PIM1: variants seen among roughly 807,000 people sequenced by gnomAD.
The protein encoded by PIM1 is serine/threonine-protein kinase pim-1.
Under a neutral mutation model 34.5 loss-of-function variants are expected in PIM1, and 9 were observed. The ratio of observed to expected loss-of-function variants is 0.26; its 90% CI spans 0.16 to 0.46. The LOEUF is 0.46. Ranked by LOEUF, PIM1 falls within the 20% of genes least tolerant of loss-of-function variation. PIM1 has a pLI of 1.00. For missense variants in PIM1, 274 were observed against 410.9 expected (o/e 0.67, Z 2.88); for synonymous variants, 199 against 175.2 (o/e 1.14, Z -1.07).
Position 37,174,584 on chromosome 6 carries a change from C to G in PIM1, c.*493C>G, listed in dbSNP as rs1018444647. 2.1e-5 allele frequency: 5 copies of G among 233,976 alleles called. No homozygotes were observed. Among genetic ancestry groups the G allele is most frequent in the Non-Finnish European group, 4.2e-5 (5 of 118,306 alleles). The allele number at this position is 233,976 out of a possible 1,614,324, so 14.5% of individuals were successfully genotyped here. ...CTGGGAGAAATACTTGAACTTGCCT[C>G]TTTTACCTGCTGCTTCTCCAAAAAT... On this transcript the variant is annotated 3_prime_UTR_variant, in exon 6 of 6. Transcript: ENST00000373509.
Position 37,170,436 on chromosome 6 carries a change from G to A in PIM1, c.-140G>A. The A allele has an allele frequency of 6.5e-7, 1 of 1,538,866 alleles. No individual in the cohort carries two copies. On this transcript the variant is annotated 5_prime_UTR_variant, in exon 1 of 6. Transcript: ENST00000373509. ...GACTCGCCCTCGGCCTTCCGCGCCA[G>A]CCGCAGCCACAGCCGCAACGCCACC...
Position 37,171,235 on chromosome 6 carries a change from C to A in PIM1, c.351C>A (p.Val117=). The change falls in exon 4 of 6, where the codon GTC becomes GTA. Residue 117 remains valine, a synonymous_variant. Coordinates refer to ENST00000373509, the MANE Select transcript of PIM1 (RefSeq NM_002648.4). ...GGTTCGAGAGGCCCGACAGTTTCGT[C>A]CTGATCCTGGAGAGGCCCGAGCCGG... ...LDWFERPDSF[V]LILERPEPVQ... is the part of the protein sequence containing the mutation. 6.2e-7 allele frequency: 1 copy of A among 1,614,080 alleles called. No individual in the cohort carries two copies. The highest frequency in any genetic ancestry group is 8.5e-7 in the Non-Finnish European group (1 of 1,180,046).
rs1390178676 is a variant in PIM1, at chr6:37,172,411, C to T, written c.608-585C>T. On this transcript the variant is annotated intron_variant, in intron 4 of 5. Transcript: ENST00000373509. Reference sequence around the variant, plus strand: ...TCTTTTACTACCCAAAGTTTGTAAACAGGAATCACGTGGTCTGAAACCAAC... The same window carrying T: ...TCTTTTACTACCCAAAGTTTGTAAATAGGAATCACGTGGTCTGAAACCAAC... The T allele has an allele frequency of 2.3e-5, 8 of 349,934 alleles. No homozygotes were observed. The East Asian group carries it at 6.0e-4, about 26-fold the overall frequency. 21.7% of individuals were successfully genotyped at this position (349,934 alleles called of 1,614,324 possible). A position where few individuals can be genotyped will look rare whatever the true frequency, so the allele number is the denominator to read the frequency against.
At chr6:37,172,291 A>G (rs567735238) in intron 4 of PIM1, among the ~76,000 whole-genome samples, 1 of 152,060 alleles carries the variant, frequency 6.6e-6, no homozygotes, top group Non-Finnish European at 1.5e-5. Context: ...CATTTTTTGT[A>G]TTTAACAGTT....
intron 4 of PIM1, 117 bp from the exon 5 acceptor site, chr6:37,172,879 C>T: frequency 1.1e-6 from 1 of 886,662 alleles, no homozygotes; most frequent in Non-Finnish European, 1.8e-6. Flanking sequence ...GTTCACCTAG[C>T]TCCTGAGAGA....
In PIM1 at chr6:37,174,239, C is replaced by T; in HGVS notation, c.*148C>T. ...CAACATTTACAACTCATTCCAGATC[C>T]CAGGCCCCTGGAGGCTGCCTCCCAA... On this transcript the variant is annotated 3_prime_UTR_variant, in exon 6 of 6. Coordinates refer to ENST00000373509, the MANE Select transcript of PIM1 (RefSeq NM_002648.4). The T allele has an allele frequency of 1.3e-6, 1 of 798,326 alleles. No homozygotes were observed. Among genetic ancestry groups the T allele is most frequent in the Non-Finnish European group, 1.9e-6 (1 of 520,196 alleles). 49.5% of individuals were successfully genotyped at this position (798,326 alleles called of 1,614,324 possible).
In PIM1 at chr6:37,170,416, G is replaced by A; in HGVS notation, c.-160G>A. The A allele has an allele frequency of 6.5e-7, 1 of 1,534,158 alleles. No individual in the cohort carries two copies. ...AGCGCCCTCAGTTGTCCTCCGACTC[G>A]CCCTCGGCCTTCCGCGCCAGCCGCA... On this transcript the variant is annotated 5_prime_UTR_variant, in exon 1 of 6. Coordinates refer to ENST00000373509, the MANE Select transcript of PIM1 (RefSeq NM_002648.4).
chr6:37,172,686 A>C (rs1365874476), intron 4 of PIM1: 1 of 552,168 alleles, frequency 1.8e-6, no homozygotes, highest in African/African-American at 1.9e-5. Context: ...CATCCTTCGC[A>C]GGCGGTCCTG....
intron 3 of PIM1, 22 bp from the exon 4 acceptor site, chr6:37,171,103 C>A (rs1430807196): frequency 1.2e-6 from 2 of 1,613,722 alleles, no homozygotes; most frequent in African/African-American, 1.3e-5. Context: ...CCCGCCCTAA[C>A]GCGGCCCCCT....
rs200495767 is a variant in PIM1, at chr6:37,171,434, C to T, written c.550C>T (p.Leu184Phe). 6.2e-7 allele frequency: 1 copy of T among 1,613,928 alleles called. No individual in the cohort carries two copies. Among genetic ancestry groups the T allele is most frequent in the Non-Finnish European group, 8.5e-7 (1 of 1,180,026 alleles). Residue 184 changes from leucine (L) to phenylalanine (F), a missense_variant, in exon 4 of 6, where the codon CTC becomes TTC. By Grantham distance (22) the Leu-to-Phe change is conservative. Around this residue, in one of 2 missense-constraint regions of PIM1, gnomAD observed 168 missense variants for 299.4 expected, o/e 0.56. Coordinates refer to ENST00000373509, the MANE Select transcript of PIM1 (RefSeq NM_002648.4). ...LIDLNRGELK[L>F]IDFGSGALLK... ...CGACCTCAATCGCGGCGAGCTCAAGCTCATCGACTTCGGGTCGGGGGCGCT... is the reference window on the plus strand; with the variant it reads ...CGACCTCAATCGCGGCGAGCTCAAGTTCATCGACTTCGGGTCGGGGGCGCT...
chr6:37,172,841 C>T lies in PIM1; in HGVS notation c.608-155C>T, dbSNP rs1238730150. The T allele has an allele frequency of 4.1e-6, 3 of 736,170 alleles. No individual in the cohort carries two copies. The South Asian group carries it at 4.4e-5, about 11-fold the overall frequency. The allele number at this position is 736,170 out of a possible 1,614,324, so 45.6% of individuals were successfully genotyped here. A position where few individuals can be genotyped will look rare whatever the true frequency, so the allele number is the denominator to read the frequency against. On this transcript the variant is annotated intron_variant, in intron 4 of 5. Transcript: ENST00000373509. ...AGAGATGCCGTAAGGTGCGCCTCCA[C>T]TCTCCTTAGCCCAGAGGGAAAAATG...
chr6:37,170,439 G>A lies in PIM1; in HGVS notation c.-137G>A, dbSNP rs1178921469. Reference sequence around the variant, plus strand: ...TCGCCCTCGGCCTTCCGCGCCAGCCGCAGCCACAGCCGCAACGCCACCCGC... The same window carrying A: ...TCGCCCTCGGCCTTCCGCGCCAGCCACAGCCACAGCCGCAACGCCACCCGC... On this transcript the variant is annotated 5_prime_UTR_variant, in exon 1 of 6. Transcript: ENST00000373509. 1 of 1,539,882 alleles carries A rather than the reference G, an allele frequency of 6.5e-7. No individual in the cohort carries two copies. The highest frequency in any genetic ancestry group is 1.4e-5 in the African/African-American group (1 of 72,902).
rs1487406289 is a variant in PIM1, at chr6:37,170,669, C to T, written c.82+12C>T. On this transcript the variant is annotated intron_variant, in intron 1 of 5. Transcript: ENST00000373509. ...CAAGCTGGCGCCCGGTGAGAGCACC[C>T]CCCGCCTCCGGCCCGGGGATGCGGG... The T allele has an allele frequency of 6.2e-7, 1 of 1,609,474 alleles. No individual in the cohort carries two copies. The highest frequency in any genetic ancestry group is 8.5e-7 in the Non-Finnish European group (1 of 1,178,270).
intron 4 of PIM1, 79 bp from the exon 5 acceptor site, chr6:37,172,915 AAG>A (rs1762332249): frequency 9.1e-6 from 11 of 1,204,124 alleles, no homozygotes; most frequent in Non-Finnish European, 1.3e-5. Flanking sequence ...TTTTAAAAGA[AAG>A]AGTTATATAT....
At chr6:37,170,714 G>T (rs1016363987) in intron 1 of PIM1, 57 bp downstream of exon 1, 4 of 1,607,108 alleles carry the variant, frequency 2.5e-6, no homozygotes, top group Non-Finnish European at 3.4e-6. Flanking sequence ...GGATCTCCTG[G>T]GTGGGGAGCT....
chr6:37,172,326 T>C (rs944355978), intron 4 of PIM1: 6 of 306,526 alleles, frequency 2.0e-5, no homozygotes, highest in African/African-American at 1.3e-4. Flanking sequence ...TCCTCCCATG[T>C]TTTTTCTTTC....
At position 37,175,181 on chromosome 6, in the gene PIM1, C is replaced by T. The variant is rs556865787; in HGVS notation, c.*1090C>T. ...CAGCTCCCTGGCTTCTGTGGGGCCCCTCACCTACTTACCCAGGTGGGTCCC... is the reference window on the plus strand; with the variant it reads ...CAGCTCCCTGGCTTCTGTGGGGCCCTTCACCTACTTACCCAGGTGGGTCCC... On this transcript the variant is annotated 3_prime_UTR_variant, in exon 6 of 6. Coordinates refer to ENST00000373509, the MANE Select transcript of PIM1 (RefSeq NM_002648.4). The T allele has an allele frequency of 4.3e-6, 1 of 233,602 alleles. No individual in the cohort carries two copies. Among genetic ancestry groups the T allele is most frequent in the Non-Finnish European group, 8.5e-6 (1 of 118,164 alleles). The allele number at this position is 233,602 out of a possible 1,614,324, so 14.5% of individuals were successfully genotyped here.
At chr6:37,172,684 G>A (rs1364354333) in intron 4 of PIM1, 3 of 544,882 alleles carry the variant, frequency 5.5e-6, no homozygotes, top group African/African-American at 1.9e-5. Context: ...TTCATCCTTC[G>A]CAGGCGGTCC....
At chr6:37,170,952 G>A in intron 2 of PIM1, 29 bp from the exon 3 acceptor site, 2 of 1,613,962 alleles carry the variant, frequency 1.2e-6, no homozygotes, top group Non-Finnish European at 1.7e-6. Flanking sequence ...CCCGGACGAG[G>A]GAACCTGACG....
Sources: gnomAD v4.1 joint callset for allele counts (sites outside exome capture counted in the v4.1 genomes callset) on GRCh38, gnomAD v4.1.1 for gene constraint, gnomAD v4.1.1 regional missense constraint, MANE v1.5 for transcripts, NCBI Gene and HGNC (gene_info 2026-07-23, HGNC 2026-07-21) for gene names.